Variants in CSNK1G2 observed in about 807,000 individuals in gnomAD.
The protein encoded by CSNK1G2 is casein kinase 1 gamma 2.
Under a neutral mutation model 48.0 loss-of-function variants are expected in CSNK1G2, and 11 were observed. That is an observed-to-expected ratio of 0.23 (90% CI 0.14 to 0.38). The LOEUF (loss-of-function observed/expected upper bound fraction) is 0.38, where lower values mean the gene tolerates loss of function less well. Among genes scored for constraint, CSNK1G2 ranks in the 10% least tolerant of loss-of-function variants. The pLI is 1.00. For missense variants in CSNK1G2, 446 were observed against 595.5 expected (o/e 0.75, Z 2.61); for synonymous variants, 337 against 254.1 (o/e 1.33, Z -3.10).
In CSNK1G2 at chr19:1,975,823, G is replaced by A. The variant is rs74822906; in HGVS notation, c.188-2482G>A. The A allele has an allele frequency of 8.5e-4, 810 of 957,086 alleles. 3 individuals are homozygous for A. The African/African-American group carries it at 0.013, about 16-fold the overall frequency. 59.3% of individuals were successfully genotyped at this position (957,086 alleles called of 1,614,324 possible). ...GGCTGATGTGGGCGGATCACCTGACGTCAGGAGTTCGAGACCAGCCTGGAC... is the reference window on the plus strand; with the variant it reads ...GGCTGATGTGGGCGGATCACCTGACATCAGGAGTTCGAGACCAGCCTGGAC... On this transcript the variant is annotated intron_variant, in intron 2 of 11. Coordinates refer to ENST00000255641, the MANE Select transcript of CSNK1G2 (RefSeq NM_001319.7).
rs949171867 is a variant in CSNK1G2, at chr19:1,980,184, C to T, written c.1229C>T (p.Ser410Leu). Residue 410 changes from serine to leucine, a missense_variant, in exon 12 of 12, where the codon TCG becomes TTG. Ser to Leu is a moderately radical substitution (Grantham distance 145). Around this residue, in one of 2 missense-constraint regions of CSNK1G2, gnomAD observed 188 missense variants for 179.6 expected, o/e 1.05. Coordinates refer to ENST00000255641, the MANE Select transcript of CSNK1G2 (RefSeq NM_001319.7). ...TTCTTCAAGAGGAGAAAGAGAAAATCGCTGCAGCGACACAAGTGACCCTGG... is the reference window on the plus strand; with the variant it reads ...TTCTTCAAGAGGAGAAAGAGAAAATTGCTGCAGCGACACAAGTGACCCTGG... The part of the protein sequence containing the change: ...CCFFKRRKRK[S>L]LQRHK The T allele has an allele frequency of 5.0e-6, 8 of 1,612,818 alleles. No homozygotes were observed. Among genetic ancestry groups the T allele is most frequent in the African/African-American group, 4.0e-5 (3 of 74,924 alleles).
rs1382284548 is a variant in CSNK1G2, at chr19:1,941,226, C to T, written c.-458C>T. The T allele has an allele frequency of 6.9e-6, 1 of 145,944 alleles. No homozygotes were observed. The highest frequency in any genetic ancestry group is 1.5e-5 in the Non-Finnish European group (1 of 65,714). 9.0% of individuals were successfully genotyped at this position (145,944 alleles called of 1,614,324 possible). ...CCGGAGCGGGCGCGGCGGAGCGCGGCGAGCCCGGCGCCTCCCGTCCCGAAC... is the reference window on the plus strand; with the variant it reads ...CCGGAGCGGGCGCGGCGGAGCGCGGTGAGCCCGGCGCCTCCCGTCCCGAAC... On this transcript the variant is annotated 5_prime_UTR_variant, in exon 1 of 12. Coordinates refer to ENST00000255641, the MANE Select transcript of CSNK1G2 (RefSeq NM_001319.7).
intron 1 of CSNK1G2, among the ~76,000 whole-genome samples, chr19:1,958,908 C>G (rs192352351): frequency 0.012 from 702 of 60,128 alleles, 42 homozygotes; most frequent in African/African-American, 0.051. Flanking sequence ...CCCGTCCCCC[C>G]CACCCCCGTC....
chr19:1,976,964 C>T (rs977154469), intron 2 of CSNK1G2, among the ~76,000 whole-genome samples: 2 of 152,168 alleles, frequency 1.3e-5, no homozygotes, highest in Non-Finnish European at 2.9e-5. Context: ...GTCTCGAACT[C>T]CCGACCTCAG....
intron 2 of CSNK1G2, chr19:1,975,854 G>T: frequency 1.8e-5 from 15 of 828,286 alleles, no homozygotes; most frequent in Non-Finnish European, 2.2e-5. Flanking sequence ...TGGACAACAT[G>T]GAGAAAGCCC....
At chr19:1,967,576 C>T (rs1308511120) in intron 1 of CSNK1G2, among the ~76,000 whole-genome samples, 1 of 152,122 alleles carries the variant, frequency 6.6e-6, no homozygotes, top group Non-Finnish European at 1.5e-5. Flanking sequence ...GGGTACCTGG[C>T]TTGAGGGCGA....
In CSNK1G2 at chr19:1,945,571, C is replaced by T. The variant is rs1170196394; in HGVS notation, c.-266+4153C>T. Among the ~76,000 whole-genome samples the T allele has an allele frequency of 2.6e-5, 4 of 152,354 alleles. No homozygotes were observed. The East Asian group carries it at 5.8e-4, about 22-fold the overall frequency. On this transcript the variant is annotated intron_variant, in intron 1 of 11. Transcript: ENST00000255641. ...GCGCGGGGGCTCCCACCTGTCATCC[C>T]AGCACTTTGGGAGGCCGAGGTGGGC... is the stretch of plus-strand genomic sequence containing the variant.
chr19:1,969,081 A>T (rs4807183), intron 1 of CSNK1G2, among the ~76,000 whole-genome samples: 1 of 151,952 alleles, frequency 6.6e-6, no homozygotes, highest in Admixed American at 6.6e-5. Flanking sequence ...TCTTTCCCAG[A>T]GCGGCCCTGG....
Position 1,979,249 on chromosome 19 carries a change from G to A in CSNK1G2, c.768+1G>A. The A allele has an allele frequency of 6.4e-7, 1 of 1,560,122 alleles. No homozygotes were observed. Among genetic ancestry groups the A allele is most frequent in the Admixed American group, 1.9e-5 (1 of 51,744 alleles). On this transcript the variant is annotated splice_donor_variant, in intron 7 of 11. Transcript: ENST00000255641. LOFTEE classifies it high-confidence loss of function. ...CAGCCTCCCCTGGCAGGGGCTCAAG[G>A]TGGGCGAGGAGGCCGGGCAGGCGGG...
chr19:1,953,725 TC>T (rs1321848130), intron 1 of CSNK1G2: 1 of 392,498 alleles, frequency 2.5e-6, no homozygotes, highest in Non-Finnish European at 5.2e-6. Flanking sequence ...GTCCCCCACA[TC>T]CCCCCAACAG....
In CSNK1G2 at chr19:1,978,536, C is replaced by CG. The variant is rs904992255; in HGVS notation, c.298+30dup. ...GGTACCGGGCGGCCCGCGGGTGGGG[C>CG]GGGGGCTGCGCAGGGGCAGGGAGGG... On this transcript the variant is annotated intron_variant, in intron 4 of 11. Transcript: ENST00000255641. The surrounding 1 kb of genome is among the most constrained non-coding windows in gnomAD (Gnocchi z 7.3). 29 of 1,567,768 alleles carry CG rather than the reference C, an allele frequency of 1.8e-5. No homozygotes were observed. The highest frequency in any genetic ancestry group is 2.2e-5 in the Non-Finnish European group (26 of 1,157,486).
intron 1 of CSNK1G2, among the ~76,000 whole-genome samples, chr19:1,947,247 T>C (rs1445227071): frequency 6.6e-6 from 1 of 152,234 alleles, no homozygotes; most frequent in Non-Finnish European, 1.5e-5. Context: ...ACAGAGTCCC[T>C]GCCTGTGAGG....
At chr19:1,942,086 TC>T (rs2014387728) in intron 1 of CSNK1G2, among the ~76,000 whole-genome samples, 1 of 152,010 alleles carries the variant, frequency 6.6e-6, no homozygotes, top group Non-Finnish European at 1.5e-5. Context: ...GGTGGTCTGA[TC>T]CGCAGGGACC....
intron 1 of CSNK1G2, among the ~76,000 whole-genome samples, chr19:1,945,829 A>C (rs895155757): frequency 6.6e-6 from 1 of 151,980 alleles, no homozygotes; most frequent in Non-Finnish European, 1.5e-5. Flanking sequence ...CTCAAAAAAA[A>C]AAAAAAAAAA....
At chr19:1,970,870 G>T (rs1276499876) in intron 2 of CSNK1G2, among the ~76,000 whole-genome samples, 1 of 152,190 alleles carries the variant, frequency 6.6e-6, no homozygotes, top group Admixed American at 6.5e-5. Context: ...TCGGCCTCAC[G>T]TGGGCACCCA....
At chr19:1,948,121 G>C (rs900966736) in intron 1 of CSNK1G2, among the ~76,000 whole-genome samples, 2 of 152,150 alleles carry the variant, frequency 1.3e-5, no homozygotes, top group Admixed American at 1.3e-4. Flanking sequence ...GCTCAGACTT[G>C]ATCCTGCACC....
chr19:1,979,315 G>T lies in CSNK1G2; in HGVS notation c.769-4G>T, dbSNP rs374546538. On this transcript the variant is annotated splice_polypyrimidine_tract_variant and splice_region_variant and intron_variant, in intron 7 of 11. Coordinates refer to ENST00000255641, the MANE Select transcript of CSNK1G2 (RefSeq NM_001319.7). ...GGAGCAAGGCTGACCACAGACCCCC[G>T]CAGGCCGACACGCTCAAGGAGCGGT... 7.5e-5 allele frequency: 120 copies of T among 1,597,742 alleles called. No individual in the cohort carries two copies. The highest frequency in any genetic ancestry group is 9.2e-5 in the Non-Finnish European group (108 of 1,173,662).
chr19:1,956,349 C>G (rs757869553), intron 1 of CSNK1G2, among the ~76,000 whole-genome samples: 2 of 152,172 alleles, frequency 1.3e-5, no homozygotes, highest in South Asian at 4.1e-4. Flanking sequence ...AAAGCCAGAA[C>G]GCATGTAGCT....
chr19:1,972,843 T>C (rs1015884496), intron 2 of CSNK1G2, among the ~76,000 whole-genome samples: 1 of 151,944 alleles, frequency 6.6e-6, no homozygotes, highest in African/African-American at 2.4e-5. Context: ...AGGCTGGTCT[T>C]GAACTCCTGA....
Sources: allele counts gnomAD v4.1 joint callset (sites outside exome capture counted in the v4.1 genomes callset), GRCh38; gene constraint gnomAD v4.1.1; regional missense constraint gnomAD v4.1.1; non-coding constraint Gnocchi (gnomAD v3.1); transcripts MANE v1.5; gene names NCBI Gene and HGNC (gene_info 2026-07-23, HGNC 2026-07-21).